PEX39: variants seen among roughly 807,000 people sequenced by gnomAD.
PEX39 encodes peroxin-39.
chr6:42,890,493 A>G, the PEX39 span: 1 of 1,531,402 alleles, frequency 6.5e-7, no homozygotes, highest in Admixed American at 2.0e-5. Flanking sequence ...TCAGGGGCCC[A>G]CTGTATGCCA....
chr6:42,890,474 C>T, the PEX39 span: 1 of 1,505,110 alleles, frequency 6.6e-7, no homozygotes, highest in Non-Finnish European at 8.9e-7. Context: ...CCGCAAAGGA[C>T]CTGGAACCTC....
the PEX39 span, chr6:42,890,804 C>T: frequency 1.9e-6 from 3 of 1,556,620 alleles, no homozygotes; most frequent in South Asian, 1.2e-5. Context: ...GTCGCGAATC[C>T]TGACCGGCGT....
chr6:42,890,573 A>AG, the PEX39 span: 1 of 1,608,820 alleles, frequency 6.2e-7, no homozygotes, highest in Non-Finnish European at 8.5e-7. Flanking sequence ...TGAGGGTCGG[A>AG]GGGGGAAGGG....
At chr6:42,890,437 C>A in the PEX39 span, 2 of 1,484,870 alleles carry the variant, frequency 1.3e-6, no homozygotes, top group South Asian at 2.8e-5. Context: ...CATCCCGGGT[C>A]CTGTAGCCAC....
At chr6:42,890,508 G>A in the PEX39 span, 2 of 1,550,562 alleles carry the variant, frequency 1.3e-6, no homozygotes, top group Admixed American at 1.9e-5. Context: ...ATGCCATGAA[G>A]AAGGCGCAGT....
the PEX39 span, chr6:42,890,477 G>A: frequency 6.6e-7 from 1 of 1,505,830 alleles, no homozygotes; most frequent in South Asian, 1.4e-5. Context: ...CAAAGGACCT[G>A]GAACCTCAGG....
At chr6:42,890,484 C>T in the PEX39 span, 2 of 1,515,226 alleles carry the variant, frequency 1.3e-6, no homozygotes, top group Non-Finnish European at 1.8e-6. Flanking sequence ...CCTGGAACCT[C>T]AGGGGCCCAC....
the PEX39 span, chr6:42,890,791 C>A: frequency 1.3e-6 from 2 of 1,566,038 alleles, no homozygotes; most frequent in South Asian, 1.2e-5. Flanking sequence ...CGCTCCATGT[C>A]GGGTCGCGAA....
the PEX39 span, chr6:42,890,451 C>G: frequency 1.3e-6 from 2 of 1,496,296 alleles, no homozygotes; most frequent in African/African-American, 2.8e-5. Context: ...TAGCCACGCC[C>G]TCCAGATCGC....
chr6:42,890,729 G>A, the PEX39 span: 1 of 1,609,798 alleles, frequency 6.2e-7, no homozygotes, highest in South Asian at 1.1e-5. Flanking sequence ...GCTGCGCCAG[G>A]GTAACCGAAG....
At chr6:42,890,276 A>G in the PEX39 span, 1 of 417,302 alleles carries the variant, frequency 2.4e-6, no homozygotes. Flanking sequence ...TACATCATAA[A>G]ACATTTTATT....
chr6:42,890,427 C>T, the PEX39 span: 5 of 1,462,432 alleles, frequency 3.4e-6, no homozygotes, highest in East Asian at 1.2e-4. Flanking sequence ...AACTGAATGG[C>T]ATCCCGGGTC....
the PEX39 span, chr6:42,890,772 C>T: frequency 6.3e-7 from 1 of 1,591,968 alleles, no homozygotes; most frequent in African/African-American, 1.3e-5. Flanking sequence ...GCATTGGGGA[C>T]TGCGGGGACG....
the PEX39 span, chr6:42,890,724 G>A: frequency 6.2e-7 from 1 of 1,610,390 alleles, no homozygotes. Context: ...CAGGAGCTGC[G>A]CCAGGGTAAC....
chr6:42,890,730 G>T, the PEX39 span: 2 of 1,609,848 alleles, frequency 1.2e-6, no homozygotes, highest in Admixed American at 1.7e-5. Flanking sequence ...CTGCGCCAGG[G>T]TAACCGAAGC....
At chr6:42,890,682 C>T in the PEX39 span, 1 of 1,612,828 alleles carries the variant, frequency 6.2e-7, no homozygotes, top group East Asian at 2.2e-5. Context: ...TTTCTCCAGG[C>T]CCGGGAGTTC....
At chr6:42,890,778 G>A in the PEX39 span, 2 of 1,588,710 alleles carry the variant, frequency 1.3e-6, no homozygotes, top group East Asian at 2.3e-5. Flanking sequence ...GGGACTGCGG[G>A]GACGCTCCAT....
chr6:42,890,356 A>G, the PEX39 span: 1 of 841,938 alleles, frequency 1.2e-6, no homozygotes, highest in African/African-American at 1.8e-5. Flanking sequence ...CAAAACCCCC[A>G]TGGTGGTTGC....
chr6:42,890,804 C>G, the PEX39 span: 1 of 1,556,620 alleles, frequency 6.4e-7, no homozygotes, highest in South Asian at 1.2e-5. Flanking sequence ...GTCGCGAATC[C>G]TGACCGGCGT....
Sources: gnomAD v4.1 joint callset for allele counts on GRCh38, gnomAD v4.1.1 for gene constraint, MANE v1.5 for transcripts, NCBI Gene and HGNC (gene_info 2026-07-23, HGNC 2026-07-21) for gene names.